The following KRT2 variants were observed in gnomAD, a reference collection of about 807,000 sequenced individuals.
KRT2 encodes keratin, type II cytoskeletal 2 epidermal.
Under a neutral mutation model 48.5 loss-of-function variants are expected in KRT2, and 37 were observed. The observed-to-expected ratio is 0.76, with a 90% CI of 0.59 to 1.00. KRT2 has a LOEUF of 1.00. Among genes scored for constraint, KRT2 ranks in the 50% least tolerant of loss-of-function variants. The probability of loss-of-function intolerance (pLI) is 0.00; values close to 1 mark genes in which losing one functional copy is unlikely to be tolerated. For synonymous variants in KRT2, 324 were observed against 312.2 expected (o/e 1.04, Z -0.40); for missense variants, 880 against 815.2 (o/e 1.08, Z -0.97).
At position 52,646,873 on chromosome 12, in the gene KRT2, C is replaced by T. The variant is rs1214032334; in HGVS notation, c.1336G>A (p.Glu446Lys). ...TCCTTGGCCTGCTGCAGGGCCTCCTCCAGGTCATTCAACTTGTTCCTGGCA... is the reference window on the plus strand; with the variant it reads ...TCCTTGGCCTGCTGCAGGGCCTCCTTCAGGTCATTCAACTTGTTCCTGGCA... The part of the protein sequence containing the change: ...KDARNKLNDL[E>K]EALQQAKEDL... The change falls in exon 7 of 9, where the codon GAG becomes AAG. Residue 446 changes from glutamate (E) to lysine (K), a missense_variant. Physicochemically the swap from Glu to Lys is moderately conservative, Grantham distance 56. Transcript: ENST00000309680. 1 of 1,614,190 alleles carries T rather than the reference C, an allele frequency of 6.2e-7. No homozygotes were observed. Among genetic ancestry groups the T allele is most frequent in the Non-Finnish European group, 8.5e-7 (1 of 1,180,006 alleles).
rs1941197859 is a variant in KRT2 at position 52,648,213 on chromosome 12, T to C, written c.1082A>G (p.Gln361Arg). ...GGCCTCCGCTTCTTCCTTGCTCCTC[T>C]GGGCGATCTCCTCATACTGGGCCTT... ...EVKAQYEEIA[Q>R]RSKEEAEALY... The change falls in exon 5 of 9, where the codon CAG (glutamine) becomes CGG (arginine). Residue 361 changes from glutamine (Q) to arginine (R), a missense_variant. Gln to Arg is a conservative substitution (Grantham distance 43, BLOSUM62 1). Transcript: ENST00000309680. 1.2e-6 allele frequency: 2 copies of C among 1,614,086 alleles called. No homozygotes were observed. Among genetic ancestry groups the C allele is most frequent in the Non-Finnish European group, 1.7e-6 (2 of 1,180,034 alleles).
chr12:52,650,296 G>A (rs778789703), intron 2 of KRT2, 43 bp downstream of exon 2: 1 of 1,538,014 alleles, frequency 6.5e-7, no homozygotes. Context: ...AAATGGCTCA[G>A]TGCAATGTTT....
rs147547802 is a variant in KRT2, at chr12:52,651,439, A to G, written c.585+119T>C. The G allele has an allele frequency of 6.6e-5, 55 of 827,562 alleles. No individual in the cohort carries two copies. In the African/African-American group the frequency reaches 8.3e-4, roughly 13 times the overall value. 51.3% of individuals were successfully genotyped at this position (827,562 alleles called of 1,614,324 possible). ...TCCATCTGGAAACCGCAAATGACCCAGGCTACTGCGGTACACCACTGGCTC... is the reference window on the plus strand; with the variant it reads ...TCCATCTGGAAACCGCAAATGACCCGGGCTACTGCGGTACACCACTGGCTC... On this transcript the variant is annotated intron_variant, in intron 1 of 8. Coordinates refer to ENST00000309680, the MANE Select transcript of KRT2 (RefSeq NM_000423.3).
Position 52,649,086 on chromosome 12 carries a change from T to A in KRT2, c.878A>T (p.Tyr293Phe). The change falls in exon 4 of 9, where the codon TAC (tyrosine) becomes TTC (phenylalanine). Residue 293 changes from tyrosine to phenylalanine, a missense_variant. By Grantham distance (22) the Tyr-to-Phe change is conservative. Coordinates refer to ENST00000309680, the MANE Select transcript of KRT2 (RefSeq NM_000423.3). ...VTLKKDVDNA[Y>F]MIKVELQSKV... is the part of the protein sequence containing the mutation. ...GGACTGCAACTCCACCTTTATCATG[T>A]AGGCATTGTCCACGTCCTGCAAGAA... 1 of 1,612,034 alleles carries A rather than the reference T, an allele frequency of 6.2e-7. No individual in the cohort carries two copies. The highest frequency in any genetic ancestry group is 8.5e-7 in the Non-Finnish European group (1 of 1,178,172).
chr12:52,650,544 A>T lies in KRT2; in HGVS notation c.595T>A (p.Leu199Met), dbSNP rs1480614190. ...FASFIDKVRFLEQQNQVLQTK... is the reference protein window; with the variant it reads ...FASFIDKVRFMEQQNQVLQTK... ...TGTAACACCTGGTTCTGCTGCTCCA[A>T]GAACCGCACCTGCCATGACCAGAAG... The change falls in exon 2 of 9, where the codon TTG (leucine) becomes ATG (methionine). Residue 199 changes from leucine (L) to methionine (M), a missense_variant. Physicochemically the swap from Leu to Met is conservative, Grantham distance 15. Coordinates refer to ENST00000309680, the MANE Select transcript of KRT2 (RefSeq NM_000423.3). The T allele has an allele frequency of 6.2e-7, 1 of 1,612,002 alleles. No homozygotes were observed. Among genetic ancestry groups the T allele is most frequent in the Non-Finnish European group, 8.5e-7 (1 of 1,179,808 alleles).
Position 52,649,946 on chromosome 12 carries a change from C to T in KRT2, c.829G>A (p.Ala277Thr), listed in dbSNP as rs1240465483. ...KYEDEINKRT[A>T]AENDFVTLKK... Reference sequence around the variant, plus strand: ...AGCGTCACAAAATCATTCTCAGCAGCTGTGCGCTTATTGATTTCATCCTCA... The same window carrying T: ...AGCGTCACAAAATCATTCTCAGCAGTTGTGCGCTTATTGATTTCATCCTCA... The change falls in exon 3 of 9, where the codon GCT (alanine) becomes ACT (threonine). Residue 277 changes from alanine to threonine, a missense_variant. Ala to Thr is a moderately conservative substitution (Grantham distance 58, BLOSUM62 0). Coordinates refer to ENST00000309680, the MANE Select transcript of KRT2 (RefSeq NM_000423.3). 3 of 1,613,650 alleles carry T rather than the reference C, an allele frequency of 1.9e-6. No individual in the cohort carries two copies. In the East Asian group the frequency reaches 6.7e-5, roughly 36 times the overall value.
In KRT2 at chr12:52,646,922, C is replaced by T. The variant is rs776135395; in HGVS notation, c.1287G>A (p.Gln429=). Residue 429 remains glutamine, a synonymous_variant, in exon 7 of 9, where the codon CAG becomes CAA. Coordinates refer to ENST00000309680, the MANE Select transcript of KRT2 (RefSeq NM_000423.3). The stretch of plus-strand genomic sequence containing the variant: ...CATCCTTGAGGGCATGCTCCCCACG[C>T]TGCTCGGCATCTGCGATGGCATCTT... ...NVQDAIADAE[Q]RGEHALKDAR... 3.7e-6 allele frequency: 6 copies of T among 1,614,228 alleles called. No individual in the cohort carries two copies. Among genetic ancestry groups the T allele is most frequent in the Non-Finnish European group, 5.1e-6 (6 of 1,180,038 alleles).
chr12:52,649,765 T>C (rs984659847), intron 3 of KRT2, 149 bp downstream of exon 3: 3 of 709,426 alleles, frequency 4.2e-6, no homozygotes, highest in African/African-American at 3.5e-5. Context: ...GAGACAATTT[T>C]GTTTGCAAGA....
Position 52,648,127 on chromosome 12 carries a change from G to C in KRT2, c.1122+46C>G, listed in dbSNP as rs2232554. Reference sequence around the variant, plus strand: ...ACTTTCCAGCTGGGGGTGCAACCCAGCTCATGGCAGGGAGCTGTGGCTCTT... The same window carrying C: ...ACTTTCCAGCTGGGGGTGCAACCCACCTCATGGCAGGGAGCTGTGGCTCTT... On this transcript the variant is annotated intron_variant, in intron 5 of 8. Coordinates refer to ENST00000309680, the MANE Select transcript of KRT2 (RefSeq NM_000423.3). 9 of 1,604,124 alleles carry C rather than the reference G, an allele frequency of 5.6e-6. No individual in the cohort carries two copies. The Admixed American group carries it at 1.3e-4, about 24-fold the overall frequency.
chr12:52,644,791 C>T lies in KRT2; in HGVS notation c.*228G>A. 1.7e-6 allele frequency: 1 copy of T among 594,358 alleles called. No individual in the cohort carries two copies. Among genetic ancestry groups the T allele is most frequent in the Non-Finnish European group, 3.0e-6 (1 of 337,390 alleles). 36.8% of individuals were successfully genotyped at this position (594,358 alleles called of 1,614,324 possible). ...GCATGGCTAGAAGCACAAACCTAGA[C>T]AGCACAGATTCCGCCCCAGAACACA... On this transcript the variant is annotated 3_prime_UTR_variant, in exon 9 of 9. Coordinates refer to ENST00000309680, the MANE Select transcript of KRT2 (RefSeq NM_000423.3).
chr12:52,651,935 T>C lies in KRT2; in HGVS notation c.208A>G (p.Lys70Glu), dbSNP rs1168689867. The change falls in exon 1 of 9, where the codon AAG (lysine) becomes GAG (glutamate). Residue 70 changes from lysine (K) to glutamate (E), a missense_variant. Lys to Glu is a moderately conservative substitution (Grantham distance 56). Transcript: ENST00000309680. ...SRSLVGLGGT[K>E]SISISVAGGG... ...CCAGCCACACTAATGGAGATGCTCT[T>C]GGTCCCTCCAAGGCCAACAAGACTC... The C allele has an allele frequency of 1.2e-6, 2 of 1,613,640 alleles. No homozygotes were observed. The highest frequency in any genetic ancestry group is 1.3e-5 in the African/African-American group (1 of 74,852).
chr12:52,645,637 A>T (rs2120937633), intron 7 of KRT2, 68 bp from the exon 8 acceptor site: 2 of 1,516,122 alleles, frequency 1.3e-6, no homozygotes, highest in Non-Finnish European at 1.8e-6. Flanking sequence ...TTGTTTTACC[A>T]CTTCCACCCG....
rs184298897 is a variant in KRT2, at chr12:52,648,991, G to A, written c.957+16C>T. 4.4e-4 allele frequency: 660 copies of A among 1,511,284 alleles called. 5 individuals are homozygous for A. In the African/African-American group the frequency reaches 7.3e-3, roughly 17 times the overall value. The allele number at this position is 1,511,284 out of a possible 1,614,324, so 93.6% of individuals were successfully genotyped here. On this transcript the variant is annotated intron_variant, in intron 4 of 8. Transcript: ENST00000309680. ...AGGGTGGGAAGTAAGGGACTGTCCC[G>A]GAGCAGCCTCCTTACCGCATCATAG... is the stretch of plus-strand genomic sequence containing the variant.
intron 7 of KRT2, 130 bp downstream of exon 7, chr12:52,646,610 G>A (rs886945066): frequency 6.4e-6 from 6 of 944,502 alleles, no homozygotes; most frequent in South Asian, 2.7e-5. Context: ...GGAACACAGA[G>A]AATGTCAGTT....
intron 6 of KRT2, among the ~76,000 whole-genome samples, chr12:52,647,375 G>A (rs925020528): frequency 6.6e-5 from 10 of 152,164 alleles, no homozygotes; most frequent in Non-Finnish European, 1.2e-4. Context: ...GAAACCAGTC[G>A]GCTGGTGCTC....
At chr12:52,649,269 A>T (rs1445266295) in intron 3 of KRT2, among the ~76,000 whole-genome samples, 167 bp from the exon 4 acceptor site, 2 of 151,840 alleles carry the variant, frequency 1.3e-5, no homozygotes, top group African/African-American at 4.8e-5. Flanking sequence ...TTTACCATAC[A>T]CCTCTGCCAG....
intron 6 of KRT2, 51 bp downstream of exon 6, chr12:52,647,679 G>A (rs933471958): frequency 2.6e-5 from 41 of 1,605,376 alleles, no homozygotes; most frequent in South Asian, 5.6e-5. Flanking sequence ...ACACTCTCAC[G>A]CACACCCAGA....
chr12:52,649,512 G>A (rs573774162), intron 3 of KRT2, among the ~76,000 whole-genome samples: 1 of 152,322 alleles, frequency 6.6e-6, no homozygotes, highest in Non-Finnish European at 1.5e-5. Context: ...GGACCCAGCA[G>A]GAGAACCCTT....
intron 3 of KRT2, among the ~76,000 whole-genome samples, chr12:52,649,311 C>T (rs147452144): frequency 1.2e-4 from 18 of 152,300 alleles, no homozygotes; most frequent in Non-Finnish European, 2.5e-4. Flanking sequence ...GGCTCACAGC[C>T]CTCAGGACCA....
Sources: allele counts gnomAD v4.1 joint callset (sites outside exome capture counted in the v4.1 genomes callset), GRCh38; gene constraint gnomAD v4.1.1; transcripts MANE v1.5; gene names NCBI Gene and HGNC (gene_info 2026-07-23, HGNC 2026-07-21).